ATP2B1: variants seen among roughly 807,000 people sequenced by gnomAD.
The protein encoded by ATP2B1 is ATPase plasma membrane Ca2+ transporting 1, also known as plasma membrane calcium-transporting ATPase 1.
ATP2B1 carries 14 observed loss-of-function variants against 124.2 expected under a neutral mutation model. The ratio of observed to expected loss-of-function variants is 0.11; its 90% CI spans 0.07 to 0.18. The LOEUF is 0.18. ATP2B1 is among the 10% of genes least tolerant of loss of function. The pLI is 1.00. For synonymous variants in ATP2B1, 449 were observed against 492.4 expected (o/e 0.91, Z 1.17); for missense variants, 763 against 1,466.1 (o/e 0.52, Z 7.83).
intron 1 of ATP2B1, among the ~76,000 whole-genome samples, chr12:89,683,536 C>T (rs960573858): frequency 2.6e-5 from 4 of 152,222 alleles, no homozygotes; most frequent in African/African-American, 9.6e-5. Context: ...GCAGTCATCC[C>T]AGCCTAGGCA....
intron 1 of ATP2B1, among the ~76,000 whole-genome samples, chr12:89,659,915 C>CAAA (rs1234238576): frequency 1.2e-4 from 5 of 42,498 alleles, no homozygotes; most frequent in Admixed American, 7.3e-4. Flanking sequence ...AAGCGAGACT[C>CAAA]AAAAAAAAAA....
At chr12:89,706,720 G>A (rs1892493644) in intron 1 of ATP2B1, among the ~76,000 whole-genome samples, 1 of 152,054 alleles carries the variant, frequency 6.6e-6, no homozygotes, top group Non-Finnish European at 1.5e-5. Context: ...AATCAAGAAG[G>A]CGTACCCCGA....
chr12:89,657,209 A>T (rs1886064865), intron 1 of ATP2B1, among the ~76,000 whole-genome samples: 1 of 152,186 alleles, frequency 6.6e-6, no homozygotes, highest in South Asian at 2.1e-4. Flanking sequence ...TCAGTTACTA[A>T]GTTAATTCTA....
At chr12:89,681,303 TAAGAA>T (rs1451569121) in intron 1 of ATP2B1, among the ~76,000 whole-genome samples, 2 of 151,744 alleles carry the variant, frequency 1.3e-5, no homozygotes, top group Non-Finnish European at 2.9e-5. Context: ...AATAATTTCT[TAAGAA>T]AATACAGCTT....
At chr12:89,676,466 A>G (rs1888619542) in intron 1 of ATP2B1, among the ~76,000 whole-genome samples, 1 of 152,144 alleles carries the variant, frequency 6.6e-6, no homozygotes, top group Non-Finnish European at 1.5e-5. Context: ...TATAATATGT[A>G]TATTAGGTAG....
In ATP2B1 at chr12:89,610,515, G is replaced by A. The variant is rs150507481; in HGVS notation, c.2248-7C>T. On this transcript the variant is annotated splice_region_variant and splice_polypyrimidine_tract_variant and intron_variant, in intron 13 of 20. Coordinates refer to ENST00000428670, the MANE Select transcript of ATP2B1 (RefSeq NM_001366521.1). ...CTATCCTCTCTTGCTCAATCTATAAGTGTTTATCAAAGTTAAAATATGCCC... is the reference window on the plus strand; with the variant it reads ...CTATCCTCTCTTGCTCAATCTATAAATGTTTATCAAAGTTAAAATATGCCC... The A allele has an allele frequency of 1.4e-5, 23 of 1,610,988 alleles. No homozygotes were observed. The African/African-American group carries it at 2.0e-4, about 14-fold the overall frequency.
Position 89,697,064 on chromosome 12 carries a change from CAAAAA to C in ATP2B1, c.-222+11527_-222+11531del, listed in dbSNP as rs59301153. ...TGTTTTCCCGAGATTCTACTTCCTT[CAAAAA>C]AAAAAAAAAAAAAAGCAAGAAGTAA... On this transcript the variant is annotated intron_variant, in intron 1 of 20. Coordinates refer to ENST00000428670, the MANE Select transcript of ATP2B1 (RefSeq NM_001366521.1). Among the ~76,000 whole-genome samples the C allele has an allele frequency of 9.7e-3, 1,103 of 114,228 alleles. 12 individuals are homozygous for C. Among genetic ancestry groups the C allele is most frequent in the African/African-American group, 0.034 (1,050 of 30,710 alleles). 74.9% of individuals were successfully genotyped at this position (114,228 alleles called of 152,430 possible). A position where few individuals can be genotyped will look rare whatever the true frequency, so the allele number is the denominator to read the frequency against.
intron 3 of ATP2B1, 151 bp from the exon 4 acceptor site, chr12:89,635,402 A>G (rs1882542220): frequency 3.9e-6 from 4 of 1,020,236 alleles, no homozygotes; most frequent in Non-Finnish European, 5.5e-6. Flanking sequence ...GTATTCCATA[A>G]GAACTCTATG....
At chr12:89,609,911 G>T in intron 15 of ATP2B1, 26 bp downstream of exon 15, 1 of 1,592,630 alleles carries the variant, frequency 6.3e-7, no homozygotes, top group South Asian at 1.1e-5. Flanking sequence ...AATTACGTTT[G>T]GATATTTGAA....
chr12:89,623,618 A>T (rs1880353984), intron 9 of ATP2B1, among the ~76,000 whole-genome samples: 1 of 152,202 alleles, frequency 6.6e-6, no homozygotes, highest in Non-Finnish European at 1.5e-5. Context: ...GCTCTGAAGT[A>T]AGAATACAGT....
At position 89,610,410 on chromosome 12, in the gene ATP2B1, A is replaced by C; in HGVS notation, c.2335+11T>G. On this transcript the variant is annotated intron_variant, in intron 14 of 20. Coordinates refer to ENST00000428670, the MANE Select transcript of ATP2B1 (RefSeq NM_001366521.1). ...TTAAGAAATTGTGAAATAACTGAAA[A>C]ATCTACTTACCTTTAACCAGTGTAT... The C allele has an allele frequency of 6.2e-7, 1 of 1,609,066 alleles. No individual in the cohort carries two copies.
intron 1 of ATP2B1, among the ~76,000 whole-genome samples, chr12:89,692,407 C>T (rs1890653429): frequency 6.6e-6 from 1 of 152,154 alleles, no homozygotes; most frequent in Admixed American, 6.6e-5. Context: ...GTGGAATCTT[C>T]ACTTTCTCCC....
chr12:89,651,364 T>A (rs1399083675), intron 2 of ATP2B1, among the ~76,000 whole-genome samples: 1 of 150,650 alleles, frequency 6.6e-6, no homozygotes, highest in African/African-American at 2.4e-5. Context: ...CCTCCCACAC[T>A]CAAGCGATCC....
chr12:89,598,994 G>T, intron 20 of ATP2B1, 123 bp downstream of exon 20: 2 of 1,199,024 alleles, frequency 1.7e-6, no homozygotes, highest in Non-Finnish European at 1.2e-6. Context: ...TACTTTTCAA[G>T]AGAATACAAT....
In ATP2B1 at chr12:89,617,052, G is replaced by A; in HGVS notation, c.1830-13C>T. Reference sequence around the variant, plus strand: ...GATTTTGAAACACCTAAAAGGAAATGTTGAATCCAAACATCAATAATTTAA... The same window carrying A: ...GATTTTGAAACACCTAAAAGGAAATATTGAATCCAAACATCAATAATTTAA... On this transcript the variant is annotated splice_polypyrimidine_tract_variant and intron_variant, in intron 11 of 20. Transcript: ENST00000428670. 2 of 1,588,986 alleles carry A rather than the reference G, an allele frequency of 1.3e-6. No individual in the cohort carries two copies. The highest frequency in any genetic ancestry group is 1.7e-6 in the Non-Finnish European group (2 of 1,157,440).
At chr12:89,680,509 A>C (rs1889212038) in intron 1 of ATP2B1, among the ~76,000 whole-genome samples, 1 of 152,182 alleles carries the variant, frequency 6.6e-6, no homozygotes, top group African/African-American at 2.4e-5. Context: ...AAAATCTAGC[A>C]AGGGTCACTG....
At chr12:89,653,364 T>G (rs1008342384) in intron 2 of ATP2B1, among the ~76,000 whole-genome samples, 1 of 138,984 alleles carries the variant, frequency 7.2e-6, no homozygotes, top group African/African-American at 2.7e-5. Context: ...TGGCGCAATC[T>G]CGGCTCACTG....
At chr12:89,651,367 A>T (rs117688951) in intron 2 of ATP2B1, among the ~76,000 whole-genome samples, 242 of 150,678 alleles carry the variant, frequency 1.6e-3, no homozygotes, top group African/African-American at 5.7e-3. Context: ...CCCACACTCA[A>T]GCGATCCTCC....
chr12:89,625,947 T>C (rs1332697311), intron 8 of ATP2B1, among the ~76,000 whole-genome samples: 4 of 152,176 alleles, frequency 2.6e-5, no homozygotes, highest in Non-Finnish European at 5.9e-5. Context: ...GTTTCTAACC[T>C]CAGAGCTCTG....
Sources: allele counts gnomAD v4.1 joint callset (sites outside exome capture counted in the v4.1 genomes callset), GRCh38; gene constraint gnomAD v4.1.1; transcripts MANE v1.5; gene names NCBI Gene and HGNC (gene_info 2026-07-23, HGNC 2026-07-21).